Variants in ASB6 observed in about 807,000 individuals in gnomAD.
ASB6 encodes ankyrin repeat and SOCS box protein 6.
ASB6 carries 24 observed loss-of-function variants against 28.6 expected under a neutral mutation model. That is an observed-to-expected ratio of 0.84 (90% CI 0.61 to 1.18). ASB6 has a LOEUF of 1.18. ASB6 is among the 50% of genes most tolerant of loss of function. ASB6 has a pLI of 0.00. For synonymous variants in ASB6, 267 were observed against 243.4 expected (o/e 1.10, Z -0.90); for missense variants, 519 against 559.8 (o/e 0.93, Z 0.74).
intron 2 of ASB6, among the ~76,000 whole-genome samples, chr9:129,639,765 G>T (rs545618134): frequency 6.6e-6 from 1 of 152,324 alleles, no homozygotes; most frequent in African/African-American, 2.4e-5. Context: ...AAAACGGGGC[G>T]CACCCTCTCA....
In ASB6 at chr9:129,635,165, C is replaced by T. The variant is rs772988309; in HGVS notation, c.*2625G>A. On this transcript the variant is annotated 3_prime_UTR_variant, in exon 6 of 6. Coordinates refer to ENST00000277458, the MANE Select transcript of ASB6 (RefSeq NM_017873.4). ...GTACATCCCATCCAGTGCCGACATCCGCTTGCATGGTGCCCTGGTAACCTT... is the reference window on the plus strand; with the variant it reads ...GTACATCCCATCCAGTGCCGACATCTGCTTGCATGGTGCCCTGGTAACCTT... 1.4e-5 allele frequency: 22 copies of T among 1,581,276 alleles called. No individual in the cohort carries two copies. The highest frequency in any genetic ancestry group is 5.1e-5 in the Admixed American group (3 of 59,016).
chr9:129,636,795 C>T lies in ASB6; in HGVS notation c.*995G>A, dbSNP rs1831567038. The T allele has an allele frequency of 6.6e-6, 1 of 152,214 alleles. No individual in the cohort carries two copies. Among genetic ancestry groups the T allele is most frequent in the Admixed American group, 6.5e-5 (1 of 15,276 alleles). 9.4% of individuals were successfully genotyped at this position (152,214 alleles called of 1,614,324 possible). On this transcript the variant is annotated 3_prime_UTR_variant, in exon 6 of 6. Coordinates refer to ENST00000277458, the MANE Select transcript of ASB6 (RefSeq NM_017873.4). ...GGAAACAACCCCCCAAACACAGCAT[C>T]CCCTCACACCTGCCACCCACTTCCT...
In ASB6 at chr9:129,637,917, C is replaced by T. The variant is rs371398374; in HGVS notation, c.1139G>A (p.Arg380His). The T allele has an allele frequency of 1.0e-5, 16 of 1,587,236 alleles. No individual in the cohort carries two copies. Among genetic ancestry groups the T allele is most frequent in the Non-Finnish European group, 1.2e-5 (14 of 1,166,118 alleles). ...CTGAAGGTAGAGCCGGATGGCCACACGGCACAGGTGCTTGAGGGGCGGGGG... is the reference window on the plus strand; with the variant it reads ...CTGAAGGTAGAGCCGGATGGCCACATGGCACAGGTGCTTGAGGGGCGGGGG... The part of the protein sequence containing the change: ...SYPPPLKHLC[R>H]VAIRLYLQPW... Residue 380 changes from arginine to histidine, a missense_variant, in exon 6 of 6, where the codon CGT (arginine) becomes CAT (histidine). Arg to His is a conservative substitution (Grantham distance 29). Coordinates refer to ENST00000277458, the MANE Select transcript of ASB6 (RefSeq NM_017873.4).
chr9:129,635,737 TC>T lies in ASB6; in HGVS notation c.*2052del. The T allele has an allele frequency of 2.4e-6, 1 of 413,376 alleles. No homozygotes were observed. Among genetic ancestry groups the T allele is most frequent in the South Asian group, 3.4e-5 (1 of 29,454 alleles). 25.6% of individuals were successfully genotyped at this position (413,376 alleles called of 1,614,324 possible). A position where few individuals can be genotyped will look rare whatever the true frequency, so the allele number is the denominator to read the frequency against. On this transcript the variant is annotated 3_prime_UTR_variant, in exon 6 of 6. Coordinates refer to ENST00000277458, the MANE Select transcript of ASB6 (RefSeq NM_017873.4). ...GAAGGGGCTCCAGGGCTCCTGGTGCTCCCCATGTGGGAATAGGGTGGCCACA... is the reference window on the plus strand; with the variant it reads ...GAAGGGGCTCCAGGGCTCCTGGTGCTCCCATGTGGGAATAGGGTGGCCACA...
rs4837396 is a variant in ASB6, at chr9:129,642,025, C to G, written c.-26G>C. 0.98 allele frequency: 1,547,573 copies of G among 1,572,654 alleles called. 761,509 individuals carry two copies. The highest frequency in any genetic ancestry group is 0.99 in the South Asian group (86,080 of 87,102). ...CGCCGCGGGCCCCGCGCAGCAGGGCCGTCGCGCTTTCTGCCGAGGCCGAGA... is the reference window on the plus strand; with the variant it reads ...CGCCGCGGGCCCCGCGCAGCAGGGCGGTCGCGCTTTCTGCCGAGGCCGAGA... On this transcript the variant is annotated 5_prime_UTR_variant, in exon 1 of 6. Transcript: ENST00000277458. The surrounding 1 kb of genome is among the most constrained non-coding windows in gnomAD (Gnocchi z 4.3).
chr9:129,638,786 G>T, intron 4 of ASB6, 127 bp from the exon 5 acceptor site: 1 of 781,214 alleles, frequency 1.3e-6, no homozygotes, highest in Non-Finnish European at 2.1e-6. Flanking sequence ...ACAACTCTCA[G>T]CTCAGGTGAG....
Position 129,634,971 on chromosome 9 carries a change from C to T in ASB6, c.*2819G>A, listed in dbSNP as rs775015265. 3.3e-5 allele frequency: 18 copies of T among 544,642 alleles called. No homozygotes were observed. The allele number at this position is 544,642 out of a possible 1,614,324, so 33.7% of individuals were successfully genotyped here. On this transcript the variant is annotated 3_prime_UTR_variant, in exon 6 of 6. Transcript: ENST00000277458. ...TATCAGGCAGGACTTGTAAGCCATC[C>T]CGTCAAGTCAAATTCTGGCTTAATG...
rs753870591 is a variant in ASB6 at position 129,638,213 on chromosome 9, C to T, written c.843G>A (p.Leu281=). ...KLHFPLLRFL[L]ESGAAYNCSL... ...AGCAGTTGTAGGCGGCTCCGGACTCCAGGAGGAAGCGCAGGAGAGGGAAGT... is the reference window on the plus strand; with the variant it reads ...AGCAGTTGTAGGCGGCTCCGGACTCTAGGAGGAAGCGCAGGAGAGGGAAGT... Residue 281 remains leucine, a synonymous_variant, in exon 6 of 6, where the codon CTG becomes CTA. Coordinates refer to ENST00000277458, the MANE Select transcript of ASB6 (RefSeq NM_017873.4). 2 of 1,613,514 alleles carry T rather than the reference C, an allele frequency of 1.2e-6. No homozygotes were observed. The highest frequency in any genetic ancestry group is 1.7e-6 in the Non-Finnish European group (2 of 1,179,862).
intron 2 of ASB6, among the ~76,000 whole-genome samples, chr9:129,640,165 GAAAA>G (rs1012357684): frequency 1.4e-5 from 2 of 145,194 alleles, no homozygotes; most frequent in East Asian, 2.0e-4. Flanking sequence ...TACGGCATGA[GAAAA>G]AAAAAAACAA....
At position 129,636,087 on chromosome 9, in the gene ASB6, G is replaced by A. The variant is rs1831537674; in HGVS notation, c.*1703C>T. ...GGCTGCTCCTTGGCAGGCATTTAAAGTAAAAAATAAAATGGGGCTGGGCGC... is the reference window on the plus strand; with the variant it reads ...GGCTGCTCCTTGGCAGGCATTTAAAATAAAAAATAAAATGGGGCTGGGCGC... On this transcript the variant is annotated 3_prime_UTR_variant, in exon 6 of 6. Transcript: ENST00000277458. 1 of 152,304 alleles carries A rather than the reference G, an allele frequency of 6.6e-6. No homozygotes were observed. The highest frequency in any genetic ancestry group is 1.5e-5 in the Non-Finnish European group (1 of 68,144). The allele number at this position is 152,304 out of a possible 1,614,324, so 9.4% of individuals were successfully genotyped here. A position where few individuals can be genotyped will look rare whatever the true frequency, so the allele number is the denominator to read the frequency against.
At position 129,635,003 on chromosome 9, in the gene ASB6, T is replaced by C. The variant is rs761731220; in HGVS notation, c.*2787A>G. 4.9e-6 allele frequency: 3 copies of C among 616,322 alleles called. No homozygotes were observed. Among genetic ancestry groups the C allele is most frequent in the Non-Finnish European group, 8.4e-6 (3 of 356,724 alleles). The allele number at this position is 616,322 out of a possible 1,614,324, so 38.2% of individuals were successfully genotyped here. On this transcript the variant is annotated 3_prime_UTR_variant, in exon 6 of 6. Coordinates refer to ENST00000277458, the MANE Select transcript of ASB6 (RefSeq NM_017873.4). ...GTCAAATTCTGGCTTAATGTGTCTT[T>C]AGGTAGATGACCTCTGAGCCACAGT...
Position 129,641,924 on chromosome 9 carries a change from C to A in ASB6, c.76G>T (p.Gly26Trp). 1 of 1,602,228 alleles carries A rather than the reference C, an allele frequency of 6.2e-7. No individual in the cohort carries two copies. The highest frequency in any genetic ancestry group is 8.5e-7 in the Non-Finnish European group (1 of 1,175,526). ...TCCTGCCGCTCGGGGTCCTGGATCC[C>A]CAGGGAGCCCAGAATCGCATCCACC... ...PLVDAILGSL[G>W]IQDPERQESL... Residue 26 changes from glycine (G) to tryptophan (W), a missense_variant, in exon 1 of 6, where the codon GGG becomes TGG. Transcript: ENST00000277458.
Position 129,640,654 on chromosome 9 carries a change from T to C in ASB6, c.182A>G (p.His61Arg), listed in dbSNP as rs1371064781. 7 of 1,613,824 alleles carry C rather than the reference T, an allele frequency of 4.3e-6. No homozygotes were observed. Among genetic ancestry groups the C allele is most frequent in the Non-Finnish European group, 5.9e-6 (7 of 1,179,908 alleles). ...VLTELLERKAHSPFYQEGVSN... is the reference protein window; with the variant it reads ...VLTELLERKARSPFYQEGVSN... ...CACGCCTTCCTGGTAAAAGGGAGAG[T>C]GGGCTTTCCTCTCCAGCAGCTCAGT... Residue 61 changes from histidine to arginine, a missense_variant, in exon 2 of 6, where the codon CAC becomes CGC. Physicochemically the swap from His to Arg is conservative, Grantham distance 29. Coordinates refer to ENST00000277458, the MANE Select transcript of ASB6 (RefSeq NM_017873.4).
chr9:129,635,096 C>A lies in ASB6; in HGVS notation c.*2694G>T. 7.6e-7 allele frequency: 1 copy of A among 1,319,114 alleles called. No homozygotes were observed. The highest frequency in any genetic ancestry group is 1.0e-6 in the Non-Finnish European group (1 of 959,290). The allele number at this position is 1,319,114 out of a possible 1,614,324, so 81.7% of individuals were successfully genotyped here. A position where few individuals can be genotyped will look rare whatever the true frequency, so the allele number is the denominator to read the frequency against. ...GAGAGCCAATGAGGCCATGTGTGCA[C>A]ACAAAATGCTGGGCACAAATGAGGG... is the stretch of plus-strand genomic sequence containing the variant. On this transcript the variant is annotated 3_prime_UTR_variant, in exon 6 of 6. Transcript: ENST00000277458.
intron 1 of ASB6, 79 bp downstream of exon 1, chr9:129,641,808 C>A: frequency 7.2e-7 from 1 of 1,391,786 alleles, no homozygotes; most frequent in Non-Finnish European, 9.6e-7. Context: ...CGCATCCACC[C>A]CGCCCGGCTT....
At chr9:129,639,373 C>T in intron 3 of ASB6, 29 bp downstream of exon 3, 1 of 1,601,798 alleles carries the variant, frequency 6.2e-7, no homozygotes, top group Admixed American at 1.7e-5. Flanking sequence ...CCCAACCCTG[C>T]TTCAAAGCAA....
chr9:129,638,646 C>T lies in ASB6; in HGVS notation c.525G>A (p.Leu175=). 3 of 1,613,080 alleles carry T rather than the reference C, an allele frequency of 1.9e-6. No individual in the cohort carries two copies. ...CGTCGCTGCTGGCCAGAGCATGGAG[C>T]AGAGCAGTTTTTCCTAGGGAGGGAG... ...NAADKHGKTA[L]LHALASSDGV... The change falls in exon 5 of 6, where the codon CTG becomes CTA. Residue 175 remains leucine (L), a synonymous_variant. Transcript: ENST00000277458.
Position 129,635,732 on chromosome 9 carries a change from G to A in ASB6, c.*2058C>T, listed in dbSNP as rs758733240. 2.3e-6 allele frequency: 1 copy of A among 430,918 alleles called. No homozygotes were observed. Among genetic ancestry groups the A allele is most frequent in the East Asian group, 4.2e-5 (1 of 23,724 alleles). The allele number at this position is 430,918 out of a possible 1,614,324, so 26.7% of individuals were successfully genotyped here. The stretch of plus-strand genomic sequence containing the variant: ...GGGTGGAAGGGGCTCCAGGGCTCCT[G>A]GTGCTCCCCATGTGGGAATAGGGTG... On this transcript the variant is annotated 3_prime_UTR_variant, in exon 6 of 6. Coordinates refer to ENST00000277458, the MANE Select transcript of ASB6 (RefSeq NM_017873.4).
chr9:129,639,076 T>G, intron 4 of ASB6, 126 bp downstream of exon 4: 1 of 943,814 alleles, frequency 1.1e-6, no homozygotes, highest in East Asian at 2.5e-5. Context: ...TGCCCAGCCA[T>G]GCTGTGCCAC....
Sources: allele counts gnomAD v4.1 joint callset (sites outside exome capture counted in the v4.1 genomes callset), GRCh38; gene constraint gnomAD v4.1.1; non-coding constraint Gnocchi (gnomAD v3.1); transcripts MANE v1.5; gene names NCBI Gene and HGNC (gene_info 2026-07-23, HGNC 2026-07-21).